RIC1: variants seen among roughly 807,000 people sequenced by gnomAD.
RIC1 encodes RIC1 partner of RAB6A GEF complex.
A neutral mutation model predicts 169.0 loss-of-function variants in RIC1; 88 were observed. The ratio of observed to expected loss-of-function variants is 0.52; its 90% confidence interval spans 0.44 to 0.62. RIC1 has a LOEUF of 0.62. RIC1 is among the 20% of genes least tolerant of loss of function. The pLI is 0.00. For missense variants in RIC1, 1,877 were observed against 1,725.5 expected, an observed-to-expected ratio of 1.09 and a Z score of -1.56; for synonymous variants, 790 against 601.5, an observed-to-expected ratio of 1.31 and a Z score of -4.59.
chr9:5,685,027 T>G (rs935072759), intron 2 of RIC1, among the ~76,000 whole-genome samples: 4 of 147,376 alleles, frequency 2.7e-5, no homozygotes, highest in African/African-American at 1.0e-4. Context: ...GGTTGTGATG[T>G]TTTTTTTTTA....
intron 1 of RIC1, among the ~76,000 whole-genome samples, chr9:5,640,017 C>T (rs1306570724): frequency 1.3e-5 from 2 of 152,114 alleles, no homozygotes; most frequent in African/African-American, 2.4e-5. Context: ...GTTTTTTCAT[C>T]CATTCACCCA....
intron 7 of RIC1, among the ~76,000 whole-genome samples, chr9:5,736,053 A>T (rs1824684621): frequency 6.6e-6 from 1 of 152,246 alleles, no homozygotes; most frequent in Admixed American, 6.5e-5. Flanking sequence ...ACTATAGAAT[A>T]CCTAAAAGAT....
intron 6 of RIC1, among the ~76,000 whole-genome samples, chr9:5,731,932 A>G (rs1824393209): frequency 6.6e-6 from 1 of 152,202 alleles, no homozygotes; most frequent in Admixed American, 6.5e-5. Context: ...AGAGAATAGT[A>G]AGCAATTTTG....
intron 2 of RIC1, among the ~76,000 whole-genome samples, chr9:5,682,942 C>G (rs1820950558): frequency 6.6e-6 from 1 of 152,200 alleles, no homozygotes; most frequent in Admixed American, 6.5e-5. Flanking sequence ...ACCCTTTCTT[C>G]CAGTTGATCG....
Position 5,769,084 on chromosome 9 carries a change from C to G in RIC1, c.3252C>G (p.Ala1084=). 6.2e-7 allele frequency: 1 copy of G among 1,614,012 alleles called. No homozygotes were observed. The highest frequency in any genetic ancestry group is 1.1e-5 in the South Asian group (1 of 91,078). ...TAAAGGACCTTGGCTGCTTTGCAGC[C>G]CAGCTGGGCTTTGAACTAATTAGTT... is the stretch of plus-strand genomic sequence containing the variant. ...VRLKDLGCFA[A]QLGFELISWL... Residue 1084 remains alanine (A), a synonymous_variant, in exon 22 of 26, where the codon GCC becomes GCG. Coordinates refer to ENST00000414202, the MANE Select transcript of RIC1 (RefSeq NM_020829.4).
At chr9:5,707,501 T>G (rs1822661280) in intron 3 of RIC1, among the ~76,000 whole-genome samples, 1 of 152,136 alleles carries the variant, frequency 6.6e-6, no homozygotes, top group Non-Finnish European at 1.5e-5. Context: ...CATCTATTTT[T>G]CCCTTCAGTT....
chr9:5,711,531 A>T lies in RIC1; in HGVS notation c.333-2365A>T, dbSNP rs540860138. Among the ~76,000 whole-genome samples, 7 of 151,864 alleles carry T rather than the reference A, an allele frequency of 4.6e-5. No individual in the cohort carries two copies. In the South Asian group the frequency reaches 1.2e-3, roughly 27 times the overall value. ...GGAGTTGGTCTGTTCAAATCAGGAC[A>T]TACGTCTTTTTTGTTTGTTTTCCTT... is the stretch of plus-strand genomic sequence containing the variant. On this transcript the variant is annotated intron_variant, in intron 3 of 25. Transcript: ENST00000414202.
At chr9:5,674,417 A>T (rs1820312425) in intron 2 of RIC1, among the ~76,000 whole-genome samples, 1 of 152,220 alleles carries the variant, frequency 6.6e-6, no homozygotes, top group African/African-American at 2.4e-5. Flanking sequence ...AATATAAGCC[A>T]GATTACTATG....
intron 3 of RIC1, among the ~76,000 whole-genome samples, chr9:5,696,642 T>C (rs1563908629): frequency 1.3e-5 from 2 of 152,162 alleles, no homozygotes; most frequent in African/African-American, 4.8e-5. Flanking sequence ...AGATAAAAAG[T>C]AAAAAAATGT....
intron 14 of RIC1, 104 bp downstream of exon 14, chr9:5,753,750 A>T (rs938811990): frequency 1.0e-5 from 5 of 483,074 alleles, no homozygotes; most frequent in Non-Finnish European, 1.8e-5. Flanking sequence ...TTACTTATTA[A>T]AAATAAGGAA....
chr9:5,755,587 T>G (rs1825961034), intron 15 of RIC1, among the ~76,000 whole-genome samples: 2 of 152,210 alleles, frequency 1.3e-5, no homozygotes. Context: ...TCTGGTTTTT[T>G]GTTTTGAGAA....
chr9:5,701,662 C>T (rs7848760), intron 3 of RIC1, among the ~76,000 whole-genome samples: 6 of 151,334 alleles, frequency 4.0e-5, no homozygotes, highest in African/African-American at 1.5e-4. Flanking sequence ...TTCTATCCAT[C>T]TTCCTTACCT....
intron 23 of RIC1, among the ~76,000 whole-genome samples, chr9:5,772,183 A>G (rs192688524): frequency 9.4e-4 from 143 of 152,258 alleles, no homozygotes; most frequent in African/African-American, 3.2e-3. Context: ...CATGGAAGAA[A>G]TTTGGTTTTG....
At chr9:5,720,565 A>G in intron 5 of RIC1, 49 bp from the exon 6 acceptor site, 2 of 1,513,520 alleles carry the variant, frequency 1.3e-6, no homozygotes, top group Non-Finnish European at 1.8e-6. Flanking sequence ...GTGAGAGAGT[A>G]ATTTATTATA....
In RIC1 at chr9:5,765,432, G is replaced by A. The variant is rs753947992; in HGVS notation, c.2860G>A (p.Val954Ile). The A allele has an allele frequency of 6.2e-6, 10 of 1,613,808 alleles. No homozygotes were observed. The East Asian group carries it at 6.7e-5, about 11-fold the overall frequency. The change falls in exon 20 of 26, where the codon GTA becomes ATA. Residue 954 changes from valine (V) to isoleucine (I), a missense_variant. By Grantham distance (29) the Val-to-Ile change is conservative (BLOSUM62 3). Around this residue, in one of 3 missense-constraint regions of RIC1, gnomAD observed 681 missense variants for 582.0 expected, o/e 1.17. Coordinates refer to ENST00000414202, the MANE Select transcript of RIC1 (RefSeq NM_020829.4). The stretch of plus-strand genomic sequence containing the variant: ...TTTGTAGAATATGGAAGTCCCTGCA[G>A]TAAGTAGGCAACATGCTACCCTTCT... ...IILQNMEVPA[V>I]SRQHATLLFN... is the part of the protein sequence containing the mutation.
intron 2 of RIC1, among the ~76,000 whole-genome samples, chr9:5,669,310 A>C (rs1439184248): frequency 6.6e-6 from 1 of 152,106 alleles, no homozygotes; most frequent in South Asian, 2.1e-4. Flanking sequence ...TGAGTCCCCA[A>C]AGTCCATTGT....
chr9:5,773,260 A>C (rs1427430333), intron 25 of RIC1, 180 bp downstream of exon 25: 1 of 237,114 alleles, frequency 4.2e-6, no homozygotes, highest in African/African-American at 2.3e-5. Flanking sequence ...CAGCTATTTA[A>C]ATGGATAATT....
chr9:5,634,021 C>A (rs1817851679), intron 1 of RIC1, among the ~76,000 whole-genome samples: 1 of 152,016 alleles, frequency 6.6e-6, no homozygotes, highest in South Asian at 2.1e-4. Flanking sequence ...AGTATACTGT[C>A]CTTAAGTTTT....
chr9:5,762,432 CAAT>C, intron 17 of RIC1, 106 bp from the exon 18 acceptor site: 1 of 1,353,286 alleles, frequency 7.4e-7, no homozygotes, highest in East Asian at 2.4e-5. Flanking sequence ...AGTACAACCT[CAAT>C]AAATAATGTA....
Sources: allele counts gnomAD v4.1 joint callset (sites outside exome capture counted in the v4.1 genomes callset), GRCh38; gene constraint gnomAD v4.1.1; regional missense constraint gnomAD v4.1.1; transcripts MANE v1.5; gene names NCBI Gene and HGNC (gene_info 2026-07-23, HGNC 2026-07-21).